ADGRV1: variants seen among roughly 807,000 people sequenced by gnomAD.
The protein encoded by ADGRV1 is G-protein coupled receptor 98.
Under a neutral mutation model 596.2 loss-of-function variants are expected in ADGRV1, and 359 were observed. The ratio of observed to expected loss-of-function variants is 0.60; its 90% CI spans 0.55 to 0.66. The LOEUF is 0.66. Among genes scored for constraint, ADGRV1 ranks in the 30% least tolerant of loss-of-function variants. The pLI is 0.00. For missense variants in ADGRV1, 7,274 were observed against 7,575.6 expected (o/e 0.96, Z 1.48); for synonymous variants, 2,681 against 2,679.2 (o/e 1.00, Z -0.02).
At chr5:91,054,230 A>G (rs889120232) in intron 85 of ADGRV1, among the ~76,000 whole-genome samples, 6 of 152,024 alleles carry the variant, frequency 3.9e-5, no homozygotes, top group African/African-American at 1.4e-4. Flanking sequence ...TCCTAGTTCA[A>G]TCCTAGTTTA....
Position 90,790,950 on chromosome 5 carries a change from T to C in ADGRV1, c.14121T>C (p.Asp4707=), listed in dbSNP as rs764602271. The C allele has an allele frequency of 6.2e-6, 10 of 1,612,900 alleles. No homozygotes were observed. The East Asian group carries it at 2.0e-4, about 32-fold the overall frequency. ...CCAGTGGATTTTTCACCATTGCTGATGGAGAGAGTGAAGCTAGCTTTGATG... is the reference window on the plus strand; with the variant it reads ...CCAGTGGATTTTTCACCATTGCTGACGGAGAGAGTGAAGCTAGCTTTGATG... The part of the protein sequence containing the change: ...LSTSGFFTIA[D]GESEASFDVH... Residue 4707 remains aspartate, a synonymous_variant, in exon 70 of 90, where the codon GAT becomes GAC. Coordinates refer to ENST00000405460, the MANE Select transcript of ADGRV1 (RefSeq NM_032119.4).
At chr5:91,038,362 C>G (rs894735581) in intron 85 of ADGRV1, among the ~76,000 whole-genome samples, 1 of 152,044 alleles carries the variant, frequency 6.6e-6, no homozygotes, top group Non-Finnish European at 1.5e-5. Flanking sequence ...TTTAAAATGC[C>G]CCTCCATTGT....
rs563193764 is a variant in ADGRV1, at chr5:90,626,348, G to T, written c.673-863G>T. On this transcript the variant is annotated intron_variant, in intron 6 of 89. Coordinates refer to ENST00000405460, the MANE Select transcript of ADGRV1 (RefSeq NM_032119.4). The stretch of plus-strand genomic sequence containing the variant: ...AACCTTTTTGTTTTAAGATCTCAGA[G>T]CATTGAACGGGCTATAATTTGGGGA... 57 of 152,228 alleles carry T rather than the reference G, an allele frequency of 3.7e-4. 1 individual carries two copies. Among genetic ancestry groups the T allele is most frequent in the African/African-American group, 1.1e-3 (46 of 41,544 alleles). 9.4% of individuals were successfully genotyped at this position (152,228 alleles called of 1,614,324 possible).
chr5:90,686,585 G>A (rs1210050199), intron 29 of ADGRV1, among the ~76,000 whole-genome samples: 1 of 152,034 alleles, frequency 6.6e-6, no homozygotes, highest in South Asian at 2.1e-4. Flanking sequence ...TGGTGTATAT[G>A]TGCCACATTT....
rs544789357 is a variant in ADGRV1, at chr5:90,919,248, A to G, written c.17857-46167A>G. 4.6e-5 allele frequency among the ~76,000 whole-genome samples: 7 copies of G among 152,338 alleles called. No homozygotes were observed. In the East Asian group the frequency reaches 1.4e-3, roughly 29 times the overall value. On this transcript the variant is annotated intron_variant, in intron 83 of 89. Transcript: ENST00000405460. Reference sequence around the variant, plus strand: ...CCCAAATCTACTGTTCCTATCTCATATATACTTCTCAGCAGCATCTATATA... The same window carrying G: ...CCCAAATCTACTGTTCCTATCTCATGTATACTTCTCAGCAGCATCTATATA...
Position 90,742,341 on chromosome 5 carries a change from G to A in ADGRV1, c.10550-2705G>A, listed in dbSNP as rs139261225. ...CATTTAATTGAGAATTATATGTTGA[G>A]TAGGAGTTGAAGAGGCAGAGTTGAT... On this transcript the variant is annotated intron_variant, in intron 50 of 89. Transcript: ENST00000405460. 2.4e-3 allele frequency among the ~76,000 whole-genome samples: 370 copies of A among 152,294 alleles called. 4 individuals are homozygous for A. Among genetic ancestry groups the A allele is most frequent in the South Asian group, 0.021 (102 of 4,822 alleles).
chr5:90,777,707 A>C (rs982571571), intron 61 of ADGRV1, among the ~76,000 whole-genome samples, 198 bp from the exon 62 acceptor site: 1 of 152,188 alleles, frequency 6.6e-6, no homozygotes, highest in Non-Finnish European at 1.5e-5. Flanking sequence ...ATAGATTTAC[A>C]CTAGCTTAAT....
chr5:90,590,167 A>G (rs1759292560), intron 1 of ADGRV1, among the ~76,000 whole-genome samples: 1 of 152,200 alleles, frequency 6.6e-6, no homozygotes, highest in Non-Finnish European at 1.5e-5. Flanking sequence ...AGGATCAGAA[A>G]CAGAGATATT....
chr5:90,796,061 G>T (rs189461222), intron 70 of ADGRV1, among the ~76,000 whole-genome samples: 1 of 152,116 alleles, frequency 6.6e-6, no homozygotes, highest in African/African-American at 2.4e-5. Context: ...AAACCAGAAC[G>T]CTGCTTCTCC....
chr5:90,594,287 A>G (rs568513563), intron 1 of ADGRV1, among the ~76,000 whole-genome samples: 3 of 152,046 alleles, frequency 2.0e-5, no homozygotes, highest in Admixed American at 6.5e-5. Context: ...TGCTGTTCTC[A>G]TGATAGTGAG....
At chr5:90,915,154 C>T (rs192195209) in intron 83 of ADGRV1, among the ~76,000 whole-genome samples, 1 of 151,976 alleles carries the variant, frequency 6.6e-6, no homozygotes, top group African/African-American at 2.4e-5. Context: ...TATTTATTAC[C>T]TAGAAAATGC....
At chr5:90,559,035 C>A in intron 1 of ADGRV1, 118 bp downstream of exon 1, 1 of 899,570 alleles carries the variant, frequency 1.1e-6, no homozygotes, top group Non-Finnish European at 1.6e-6. Flanking sequence ...CGGGCCACAG[C>A]CGGGCCCAGG....
intron 1 of ADGRV1, among the ~76,000 whole-genome samples, chr5:90,596,573 T>C (rs375405718): frequency 0.075 from 11,404 of 151,524 alleles, 1,446 homozygotes; most frequent in African/African-American, 0.27. Flanking sequence ...GGATCACTCG[T>C]GGTTAGGAGC....
Position 90,721,531 on chromosome 5 carries a change from A to AAAATAAAATAAAATAAAAT in ADGRV1, c.9748+475_9748+476insTAAAATAAAATAAAATAAA, listed in dbSNP as rs1314967115. The stretch of plus-strand genomic sequence containing the variant: ...AAATAAAATAAAATAAAATAAAAAT[A>AAAATAAAATAAAATAAAAT]AAAATAAAATAAAATAAAATAAAAT... On this transcript the variant is annotated intron_variant, in intron 45 of 89. Transcript: ENST00000405460. 5.1e-4 allele frequency among the ~76,000 whole-genome samples: 42 copies of AAAATAAAATAAAATAAAAT among 82,614 alleles called. 7 individuals carry two copies. The highest frequency in any genetic ancestry group is 7.3e-4 in the Non-Finnish European group (28 of 38,224). The allele number at this position is 82,614 out of a possible 152,430, so 54.2% of individuals were successfully genotyped here.
intron 43 of ADGRV1, chr5:90,717,010 CAT>C: frequency 8.9e-6 from 2 of 224,964 alleles, no homozygotes; most frequent in Non-Finnish European, 1.8e-5. Context: ...ATTTAAATTG[CAT>C]ATGTCACTTT....
intron 83 of ADGRV1, among the ~76,000 whole-genome samples, chr5:90,915,111 A>T (rs1329650308): frequency 6.6e-6 from 1 of 152,334 alleles, no homozygotes; most frequent in African/African-American, 2.4e-5. Flanking sequence ...ATAAACTTTT[A>T]AAAAATGTTC....
At chr5:91,081,320 G>A (rs1305225607) in intron 86 of ADGRV1, among the ~76,000 whole-genome samples, 2 of 152,134 alleles carry the variant, frequency 1.3e-5, no homozygotes, top group South Asian at 2.1e-4. Flanking sequence ...TCAGTCCATA[G>A]CACCTTGGTG....
At chr5:91,084,449 A>G (rs1285110407) in intron 86 of ADGRV1, among the ~76,000 whole-genome samples, 7 of 152,222 alleles carry the variant, frequency 4.6e-5, no homozygotes, top group African/African-American at 1.4e-4. Flanking sequence ...AAAAGAAGAC[A>G]TTTATGTGGC....
chr5:90,564,272 G>A (rs1389254847), intron 1 of ADGRV1, among the ~76,000 whole-genome samples: 1 of 152,172 alleles, frequency 6.6e-6, no homozygotes, highest in African/African-American at 2.4e-5. Context: ...TGATGAGCAG[G>A]AATGAAATGA....
Sources: allele counts gnomAD v4.1 joint callset (sites outside exome capture counted in the v4.1 genomes callset), GRCh38; gene constraint gnomAD v4.1.1; transcripts MANE v1.5; gene names NCBI Gene and HGNC (gene_info 2026-07-23, HGNC 2026-07-21).